RERE: variants seen among roughly 807,000 people sequenced by gnomAD.
The protein encoded by RERE is arginine-glutamic acid dipeptide repeats protein.
In RERE, 40 loss-of-function variants were observed where a neutral mutation model predicts 146.1. The ratio of observed to expected loss-of-function variants is 0.27; its 90% CI spans 0.21 to 0.36. The LOEUF is 0.36. Among genes scored for constraint, RERE ranks in the 10% least tolerant of loss-of-function variants. The probability of loss-of-function intolerance (pLI) is 1.00; values close to 1 mark genes in which losing one functional copy is unlikely to be tolerated. For missense variants in RERE, 1,933 were observed against 2,138.7 expected (o/e 0.90, Z 1.90); for synonymous variants, 1,003 against 866.0 (o/e 1.16, Z -2.78).
At chr1:8,630,233 A>G (rs759630308) in intron 2 of RERE, among the ~76,000 whole-genome samples, 4 of 152,132 alleles carry the variant, frequency 2.6e-5, no homozygotes, top group Admixed American at 6.6e-5. Context: ...TCCAATCCAG[A>G]GTCTCTGGCA....
intron 1 of RERE, among the ~76,000 whole-genome samples, chr1:8,708,791 T>C (rs910156465): frequency 4.6e-5 from 7 of 152,174 alleles, no homozygotes; most frequent in Non-Finnish European, 8.8e-5. Flanking sequence ...CTGGTATGTC[T>C]TTATCAGCAG....
intron 8 of RERE, among the ~76,000 whole-genome samples, chr1:8,499,094 T>C (rs1306062368): frequency 6.6e-6 from 1 of 152,000 alleles, no homozygotes; most frequent in Non-Finnish European, 1.5e-5. Flanking sequence ...GCAGGTGCCA[T>C]GACCACCATA....
chr1:8,502,638 A>T (rs1431343574), intron 8 of RERE, among the ~76,000 whole-genome samples: 1 of 149,648 alleles, frequency 6.7e-6, no homozygotes, highest in African/African-American at 2.5e-5. Flanking sequence ...GGTTTTGTGG[A>T]ATAGAAAGGC....
At chr1:8,813,300 C>T (rs968221698) in intron 1 of RERE, among the ~76,000 whole-genome samples, 3 of 152,148 alleles carry the variant, frequency 2.0e-5, no homozygotes, top group South Asian at 2.1e-4. Context: ...CTATCTTAAC[C>T]TTTAAATCGA....
intron 1 of RERE, among the ~76,000 whole-genome samples, chr1:8,770,846 T>C (rs752607365): frequency 1.6e-4 from 25 of 152,322 alleles, no homozygotes; most frequent in Non-Finnish European, 1.5e-4. Flanking sequence ...AACTGCAGCA[T>C]CGTTCATAAT....
intron 1 of RERE, among the ~76,000 whole-genome samples, chr1:8,671,732 A>T (rs1282599304): frequency 6.6e-6 from 1 of 152,226 alleles, no homozygotes; most frequent in African/African-American, 2.4e-5. Context: ...TAATTATATG[A>T]ATTTAAAACA....
At chr1:8,439,768 A>C (rs1445084192) in intron 11 of RERE, among the ~76,000 whole-genome samples, 1 of 152,234 alleles carries the variant, frequency 6.6e-6, no homozygotes, top group East Asian at 1.9e-4. Context: ...GTCTAATGCA[A>C]CATTTAAAAT....
intron 3 of RERE, among the ~76,000 whole-genome samples, chr1:8,620,042 T>G (rs963934774): frequency 1.3e-5 from 2 of 152,194 alleles, no homozygotes; most frequent in African/African-American, 4.8e-5. Context: ...GCTCAAAACA[T>G]TTCTATTTGC....
At chr1:8,616,346 T>C (rs1252740812) in intron 3 of RERE, among the ~76,000 whole-genome samples, 1 of 152,226 alleles carries the variant, frequency 6.6e-6, no homozygotes, top group African/African-American at 2.4e-5. Context: ...GAGAAAACTT[T>C]GACAGTATCT....
intron 2 of RERE, among the ~76,000 whole-genome samples, chr1:8,650,967 C>T (rs374952046): frequency 2.0e-5 from 3 of 151,752 alleles, no homozygotes; most frequent in African/African-American, 4.8e-5. Context: ...TGTAGTGCCA[C>T]GTGCCTGTAA....
At chr1:8,455,547 T>G (rs1167905706) in intron 11 of RERE, among the ~76,000 whole-genome samples, 1 of 152,168 alleles carries the variant, frequency 6.6e-6, no homozygotes, top group Non-Finnish European at 1.5e-5. Context: ...AGGAGTTGGT[T>G]GCTCCTTCCA....
At chr1:8,761,362 AAATAT>A (rs999357816) in intron 1 of RERE, among the ~76,000 whole-genome samples, 21 of 152,170 alleles carry the variant, frequency 1.4e-4, no homozygotes, top group African/African-American at 4.8e-4. Flanking sequence ...TCAAGATATT[AAATAT>A]TTCCATCTGC....
chr1:8,610,271 G>C (rs1009137621), intron 4 of RERE, among the ~76,000 whole-genome samples: 3 of 152,042 alleles, frequency 2.0e-5, no homozygotes, highest in African/African-American at 7.2e-5. Context: ...ACTTTCAAGA[G>C]ACTTTATGGA....
At chr1:8,597,179 C>A (rs1288740294) in intron 4 of RERE, among the ~76,000 whole-genome samples, 2 of 151,860 alleles carry the variant, frequency 1.3e-5, no homozygotes, top group Non-Finnish European at 2.9e-5. Context: ...CCTCAGCATC[C>A]CAGGTTCAAC....
intron 2 of RERE, among the ~76,000 whole-genome samples, chr1:8,633,767 A>G (rs1237907562): frequency 6.6e-6 from 1 of 151,966 alleles, no homozygotes; most frequent in Non-Finnish European, 1.5e-5. Flanking sequence ...TCTCTACAAA[A>G]AGAAAAAAAA....
intron 10 of RERE, among the ~76,000 whole-genome samples, chr1:8,492,189 T>C (rs940675917): frequency 5.9e-5 from 9 of 152,156 alleles, no homozygotes; most frequent in African/African-American, 1.2e-4. Flanking sequence ...AAATGAAAAA[T>C]TGTACAACAA....
intron 4 of RERE, among the ~76,000 whole-genome samples, chr1:8,594,807 C>T (rs1030864063): frequency 6.6e-6 from 1 of 152,112 alleles, no homozygotes; most frequent in Non-Finnish European, 1.5e-5. Flanking sequence ...AGAAGGTTGG[C>T]AGAGAGCCAT....
At chr1:8,618,051 T>A (rs1646876716) in intron 3 of RERE, among the ~76,000 whole-genome samples, 1 of 152,228 alleles carries the variant, frequency 6.6e-6, no homozygotes, top group Non-Finnish European at 1.5e-5. Context: ...ACTTATCCAG[T>A]GAATTTATTC....
At chr1:8,777,155 G>T (rs996997442) in intron 1 of RERE, among the ~76,000 whole-genome samples, 1 of 152,172 alleles carries the variant, frequency 6.6e-6, no homozygotes, top group Non-Finnish European at 1.5e-5. Flanking sequence ...GAACACGAAA[G>T]AAAGTTATCA....
Sources: gnomAD v4.1 joint callset for allele counts (sites outside exome capture counted in the v4.1 genomes callset) on GRCh38, gnomAD v4.1.1 for gene constraint, MANE v1.5 for transcripts, NCBI Gene and HGNC (gene_info 2026-07-23, HGNC 2026-07-21) for gene names.